The following LRBA variants were observed in gnomAD, a reference collection of about 807,000 sequenced individuals.
LRBA encodes lipopolysaccharide-responsive and beige-like anchor protein.
In LRBA, 176 loss-of-function variants were observed where a neutral mutation model predicts 330.0. The ratio of observed to expected loss-of-function variants is 0.53; its 90% CI spans 0.47 to 0.60. The LOEUF (loss-of-function observed/expected upper bound fraction) is 0.60. Ranked by LOEUF, LRBA falls within the 20% of genes least tolerant of loss-of-function variation. LRBA has a pLI of 0.00. For synonymous variants in LRBA, 1,230 were observed against 1,193.0 expected (o/e 1.03, Z -0.64); for missense variants, 3,259 against 3,444.8 (o/e 0.95, Z 1.35).
At chr4:151,005,437 C>CAAA (rs70941465) in intron 2 of LRBA, among the ~76,000 whole-genome samples, 5 of 60,576 alleles carry the variant, frequency 8.3e-5, no homozygotes, top group African/African-American at 2.9e-4. Context: ...GACTCCAACT[C>CAAA]AAAAAAAAAA....
At chr4:150,563,915 C>T (rs1480372512) in intron 40 of LRBA, among the ~76,000 whole-genome samples, 1 of 152,152 alleles carries the variant, frequency 6.6e-6, no homozygotes, top group Non-Finnish European at 1.5e-5. Flanking sequence ...ACATTCCATG[C>T]TCATGGATAG....
chr4:150,598,970 C>T, intron 38 of LRBA, 37 bp downstream of exon 38: 2 of 1,611,998 alleles, frequency 1.2e-6, no homozygotes, highest in Non-Finnish European at 1.7e-6. Flanking sequence ...AAGTCCTGTA[C>T]CTGCTGCTAT....
chr4:151,013,017 G>C (rs748396696), intron 2 of LRBA: 1 of 152,024 alleles, frequency 6.6e-6, no homozygotes, highest in East Asian at 1.9e-4. Context: ...TGCCCGCCTC[G>C]GCTTCCTGAG....
At chr4:150,671,021 T>TGTGG (rs1317026484) in intron 37 of LRBA, among the ~76,000 whole-genome samples, 1 of 148,180 alleles carries the variant, frequency 6.7e-6, no homozygotes, top group African/African-American at 2.5e-5. Context: ...TGTGTGTGTG[T>TGTGG]GTGTGTGTGT....
intron 35 of LRBA, among the ~76,000 whole-genome samples, chr4:150,749,273 A>G (rs1407719704): frequency 1.3e-5 from 2 of 152,178 alleles, no homozygotes. Context: ...AAACTGGACT[A>G]CATCAAAACT....
intron 40 of LRBA, among the ~76,000 whole-genome samples, chr4:150,530,977 T>C (rs1236741743): frequency 2.6e-5 from 4 of 152,162 alleles, no homozygotes; most frequent in Admixed American, 2.6e-4. Flanking sequence ...ACGAATTCAG[T>C]AAACCTGAAT....
intron 40 of LRBA, among the ~76,000 whole-genome samples, chr4:150,557,655 T>C (rs1249719202): frequency 1.3e-5 from 2 of 152,142 alleles, no homozygotes; most frequent in African/African-American, 4.8e-5. Context: ...ATTTGTAGAA[T>C]TCCCCTCAAT....
intron 56 of LRBA, among the ~76,000 whole-genome samples, chr4:150,267,550 T>TAAAC (rs1025496420): frequency 1.3e-5 from 2 of 152,196 alleles, no homozygotes; most frequent in African/African-American, 4.8e-5. Context: ...TTTTTAGCTG[T>TAAAC]AAACACATAG....
chr4:150,840,947 GC>G (rs1308810698), intron 28 of LRBA: 2 of 1,143,338 alleles, frequency 1.7e-6, no homozygotes, highest in African/African-American at 3.3e-5. Context: ...TAGAAGATAG[GC>G]TCAATTTGAA....
At chr4:150,305,759 T>G (rs139336902) in intron 52 of LRBA, among the ~76,000 whole-genome samples, 209 of 152,344 alleles carry the variant, frequency 1.4e-3, no homozygotes, top group African/African-American at 4.9e-3. Context: ...CAATTTATAC[T>G]TTGGGCTCAA....
rs983467270 is a variant in LRBA, at chr4:150,964,232, C to T, written c.217-35167G>A. ...GAAGCCCCTCTGCCCGGCCGCCACC[C>T]TGTCTGGGAGATGGGGGGGCCCCTC... On this transcript the variant is annotated intron_variant, in intron 2 of 56. Coordinates refer to ENST00000651943, the MANE Select transcript of LRBA (RefSeq NM_001364905.1). Among the ~76,000 whole-genome samples the T allele has an allele frequency of 5.4e-5, 8 of 148,214 alleles. No individual in the cohort carries two copies. In the South Asian group the frequency reaches 6.2e-4, roughly 12 times the overall value.
At chr4:150,677,127 A>AC (rs1169497828) in intron 37 of LRBA, among the ~76,000 whole-genome samples, 9 of 152,012 alleles carry the variant, frequency 5.9e-5, no homozygotes, top group African/African-American at 7.2e-5. Flanking sequence ...AGTTTACCTG[A>AC]CCCCCCAACC....
At chr4:150,606,779 A>G (rs956326410) in intron 37 of LRBA, among the ~76,000 whole-genome samples, 3 of 152,218 alleles carry the variant, frequency 2.0e-5, no homozygotes, top group Admixed American at 6.5e-5. Flanking sequence ...TATTATAGCT[A>G]TGATCAAAGT....
intron 26 of LRBA, among the ~76,000 whole-genome samples, chr4:150,845,065 A>G (rs887215546): frequency 5.9e-5 from 9 of 152,224 alleles, no homozygotes; most frequent in African/African-American, 1.9e-4. Context: ...TCTTAACAAT[A>G]GGCTACTATT....
chr4:150,603,441 C>T (rs1291121626), intron 37 of LRBA, among the ~76,000 whole-genome samples: 2 of 152,066 alleles, frequency 1.3e-5, no homozygotes, highest in African/African-American at 2.4e-5. Flanking sequence ...TAATACATCA[C>T]TATAATCTAC....
intron 17 of LRBA, among the ~76,000 whole-genome samples, chr4:150,874,654 G>A (rs1753805324): frequency 6.6e-6 from 1 of 152,248 alleles, no homozygotes; most frequent in South Asian, 2.1e-4. Context: ...TGACACTGTG[G>A]TGCAGCAGGG....
chr4:150,792,505 T>TTTTA (rs1553962949), intron 34 of LRBA, among the ~76,000 whole-genome samples: 5 of 152,084 alleles, frequency 3.3e-5, no homozygotes, highest in South Asian at 2.1e-4. Flanking sequence ...AGTTGACGTT[T>TTTTA]TTTATTTATT....
At chr4:150,805,335 A>AAAGGG (rs1742480202) in intron 33 of LRBA, among the ~76,000 whole-genome samples, 1 of 129,042 alleles carries the variant, frequency 7.7e-6, no homozygotes. Context: ...AAAGGAAAGG[A>AAAGGG]AAGGAGAAGG....
intron 34 of LRBA, among the ~76,000 whole-genome samples, chr4:150,786,835 A>G (rs1321510059): frequency 2.0e-5 from 3 of 152,192 alleles, no homozygotes; most frequent in African/African-American, 7.2e-5. Context: ...ATTCCCCAGT[A>G]TTCATAAATT....
Sources: allele counts gnomAD v4.1 joint callset (sites outside exome capture counted in the v4.1 genomes callset), GRCh38; gene constraint gnomAD v4.1.1; transcripts MANE v1.5; gene names NCBI Gene and HGNC (gene_info 2026-07-23, HGNC 2026-07-21).